Variants in POLG observed in about 807,000 individuals in gnomAD.
POLG encodes the protein DNA polymerase gamma, catalytic subunit, also known as DNA polymerase subunit gamma-1.
A neutral mutation model predicts 155.4 loss-of-function variants in POLG; 110 were observed. The ratio of observed to expected loss-of-function variants is 0.71; its 90% CI spans 0.61 to 0.83. The LOEUF (loss-of-function observed/expected upper bound fraction) is 0.83, where lower values mean the gene tolerates loss of function less well. POLG is among the 40% of genes least tolerant of loss of function. The probability of loss-of-function intolerance (pLI) is 0.00; values close to 1 mark genes in which losing one functional copy is unlikely to be tolerated. For missense variants in POLG, 1,685 were observed against 1,627.5 expected, an observed-to-expected ratio of 1.04 and a Z score of -0.61; for synonymous variants, 701 against 631.5, an observed-to-expected ratio of 1.11 and a Z score of -1.65.
rs1329611992 is a variant in POLG, at chr15:89,321,251, C to G, written c.2608G>C (p.Val870Leu). The G allele has an allele frequency of 1.9e-6, 3 of 1,614,122 alleles. No individual in the cohort carries two copies. In the Admixed American group the frequency reaches 5.0e-5, roughly 27 times the overall value. ...ACCATGGCTTTCAACTCACTGCCTA[C>G]TCGGTCAGGCTGTGGGAAGAGTGAG... ...LTASNARPDR[V>L]GSELKAMVQA... Residue 870 changes from valine (V) to leucine (L), a missense_variant, in exon 17 of 23, where the codon GTA (valine) becomes CTA (leucine). Physicochemically the swap from Val to Leu is conservative, Grantham distance 32. Coordinates refer to ENST00000268124, the MANE Select transcript of POLG (RefSeq NM_002693.3).
rs2055626493 is a variant in POLG, at chr15:89,333,596, T to TGC, written c.158_159insGC (p.Gln54HisfsTer213). On this transcript the variant is annotated frameshift_variant, in exon 2 of 23. Coordinates refer to ENST00000268124, the MANE Select transcript of POLG (RefSeq NM_002693.3). LOFTEE classifies it high-confidence loss of function. ...GCACTTGCGGCTGCTGAGGCTGCTG[T>TGC]TGCTGCTGCTGCTGCTGCTGCTGCT... is the stretch of plus-strand genomic sequence containing the variant. 3.8e-6 allele frequency: 6 copies of TGC among 1,598,000 alleles called. No individual in the cohort carries two copies. Among genetic ancestry groups the TGC allele is most frequent in the South Asian group, 1.1e-5 (1 of 90,096 alleles).
intron 10 of POLG, 104 bp from the exon 11 acceptor site, chr15:89,324,331 G>GA: frequency 1.5e-6 from 2 of 1,339,086 alleles, no homozygotes; most frequent in African/African-American, 1.4e-5. Flanking sequence ...TTAGTCCTCA[G>GA]AATCAGCTCT....
chr15:89,333,551 C>G lies in POLG; in HGVS notation c.204G>C (p.Gln68His). The G allele has an allele frequency of 6.2e-7, 1 of 1,612,114 alleles. No individual in the cohort carries two copies. The highest frequency in any genetic ancestry group is 8.5e-7 in the Non-Finnish European group (1 of 1,179,404). ...GGATGTCCAATGGGTTGTGCCGCAG[C>G]TGCCCGCCCTCCGAGGATAGCACTT... Reference protein sequence around the residue: ...QPQVLSSEGGQLRHNPLDIQM... With the variant: ...QPQVLSSEGGHLRHNPLDIQM... The change falls in exon 2 of 23, where the codon CAG becomes CAC. Residue 68 changes from glutamine to histidine, a missense_variant. Gln to His is a conservative substitution (Grantham distance 24, BLOSUM62 0). Coordinates refer to ENST00000268124, the MANE Select transcript of POLG (RefSeq NM_002693.3).
intron 2 of POLG, among the ~76,000 whole-genome samples, chr15:89,330,904 T>C (rs2055585742): frequency 6.6e-6 from 1 of 151,364 alleles, no homozygotes; most frequent in African/African-American, 2.4e-5. Flanking sequence ...TGTGACAGGG[T>C]TGGGGTGGGA....
Position 89,318,590 on chromosome 15 carries a change from C to G in POLG, c.3433G>C (p.Asp1145His). Residue 1145 changes from aspartate to histidine, a missense_variant, in exon 21 of 23, where the codon GAC (aspartate) becomes CAC (histidine). Physicochemically the swap from Asp to His is moderately conservative, Grantham distance 81. Around this residue, in one of 3 missense-constraint regions of POLG, gnomAD observed 470 missense variants for 439.9 expected, o/e 1.07. Coordinates refer to ENST00000268124, the MANE Select transcript of POLG (RefSeq NM_002693.3). Reference sequence around the variant, plus strand: ...AAGGCCAGGGCAGCGCGGTAGCGGTCCTCCTCCCGCACCAGGTAGCGAACC... The same window carrying G: ...AAGGCCAGGGCAGCGCGGTAGCGGTGCTCCTCCCGCACCAGGTAGCGAACC... The part of the protein sequence containing the change: ...DEVRYLVREE[D>H]RYRAALALQI... 3 of 1,614,108 alleles carry G rather than the reference C, an allele frequency of 1.9e-6. No individual in the cohort carries two copies. Among genetic ancestry groups the G allele is most frequent in the South Asian group, 1.1e-5 (1 of 91,072 alleles).
rs2055301517 is a variant in POLG, at chr15:89,317,228, A to C, written c.3643+148T>G. On this transcript the variant is annotated intron_variant, in intron 22 of 22. Coordinates refer to ENST00000268124, the MANE Select transcript of POLG (RefSeq NM_002693.3). Reference sequence around the variant, plus strand: ...ATCATATCACATTCACTCTGGACACAGGGCACCTTATAAACTGAAATTAGC... The same window carrying C: ...ATCATATCACATTCACTCTGGACACCGGGCACCTTATAAACTGAAATTAGC... 7.0e-6 allele frequency: 5 copies of C among 713,692 alleles called. No homozygotes were observed. In the Admixed American group the frequency reaches 1.0e-4, roughly 15 times the overall value. The allele number at this position is 713,692 out of a possible 1,614,324, so 44.2% of individuals were successfully genotyped here.
At position 89,324,209 on chromosome 15, in the gene POLG, G is replaced by A. The variant is rs765009891; in HGVS notation, c.1968C>T (p.Tyr656=). The change falls in exon 11 of 23, where the codon TAC becomes TAT. Residue 656 remains tyrosine, a synonymous_variant. Transcript: ENST00000268124. Reference sequence around the variant, plus strand: ...TCCCCTGTTCGAGACAGTGCTTCCTGTACAGGGACTCGATGGCTCTGGGCA... The same window carrying A: ...TCCCCTGTTCGAGACAGTGCTTCCTATACAGGGACTCGATGGCTCTGGGCA... ...VCPYRAIESL[Y]RKHCLEQGKQ... 1 of 1,613,250 alleles carries A rather than the reference G, an allele frequency of 6.2e-7. No individual in the cohort carries two copies. Among genetic ancestry groups the A allele is most frequent in the African/African-American group, 1.3e-5 (1 of 75,074 alleles).
intron 1 of POLG, 196 bp from the exon 2 acceptor site, chr15:89,334,109 T>C (rs986039596): frequency 8.1e-6 from 3 of 371,398 alleles, no homozygotes; most frequent in Admixed American, 9.0e-5. Context: ...ACTTCGTCAG[T>C]GAACCCACGT....
At chr15:89,318,786 T>C (rs2055347360) in intron 20 of POLG, 37 bp from the exon 21 acceptor site, 6 of 1,583,408 alleles carry the variant, frequency 3.8e-6, no homozygotes, top group Middle Eastern at 1.7e-4. Context: ...AAAGGGGCTA[T>C]GCTACATACC....
At chr15:89,323,352 C>T (rs41550016) in intron 13 of POLG, 52 bp downstream of exon 13, 1,110 of 1,165,380 alleles carry the variant, frequency 9.5e-4, no homozygotes, top group Non-Finnish European at 1.2e-3. Context: ...CTGCTGTGGG[C>T]CTTGAGCAGA....
In POLG at chr15:89,324,223, T is replaced by C. The variant is rs767751301; in HGVS notation, c.1954A>G (p.Ile652Val). The change falls in exon 11 of 23, where the codon ATC becomes GTC. Residue 652 changes from isoleucine to valine, a missense_variant. Coordinates refer to ENST00000268124, the MANE Select transcript of POLG (RefSeq NM_002693.3). ...CAGTGCTTCCTGTACAGGGACTCGA[T>C]GGCTCTGGGCAGAGAACAGTAGCAG... ...SAGVVCPYRAIESLYRKHCLE... is the reference protein window; with the variant it reads ...SAGVVCPYRAVESLYRKHCLE... 5 of 1,612,652 alleles carry C rather than the reference T, an allele frequency of 3.1e-6. No individual in the cohort carries two copies. Among genetic ancestry groups the C allele is most frequent in the Non-Finnish European group, 3.4e-6 (4 of 1,180,020 alleles).
At chr15:89,331,693 G>T (rs1019321005) in intron 2 of POLG, among the ~76,000 whole-genome samples, 7 of 152,188 alleles carry the variant, frequency 4.6e-5, no homozygotes, top group African/African-American at 1.7e-4. Context: ...GGGCTGGTCA[G>T]GTACCTAATG....
intron 6 of POLG, 67 bp downstream of exon 6, chr15:89,328,389 A>G: frequency 7.9e-7 from 1 of 1,268,076 alleles, no homozygotes; most frequent in South Asian, 1.2e-5. Context: ...GCGCCACCTG[A>G]TTACAGTGGG....
At chr15:89,334,039 G>C in intron 1 of POLG, 126 bp from the exon 2 acceptor site, 1 of 507,688 alleles carries the variant, frequency 2.0e-6, no homozygotes, top group Middle Eastern at 5.4e-4. Context: ...TGCATTTTCC[G>C]TTAAGCCTCA....
chr15:89,332,609 G>A (rs1387302943), intron 2 of POLG, among the ~76,000 whole-genome samples: 42 of 150,156 alleles, frequency 2.8e-4, no homozygotes, highest in Non-Finnish European at 4.9e-4. Context: ...CGGGGGCAGG[G>A]GGGCGGGGGG....
rs796052886 is a variant in POLG, at chr15:89,323,417, T to C, written c.2252A>G (p.Lys751Arg). The C allele has an allele frequency of 1.1e-5, 17 of 1,611,644 alleles. No homozygotes were observed. Among genetic ancestry groups the C allele is most frequent in the African/African-American group, 1.3e-5 (1 of 74,998 alleles). ...DVDIPGCWFFKLPHKDGNSCN... is the reference protein window; with the variant it reads ...DVDIPGCWFFRLPHKDGNSCN... Reference sequence around the variant, plus strand: ...CCCAGGACACACCTTGTGAGGCAGCTTGAAAAACCAGCAGCCAGGGATGTC... The same window carrying C: ...CCCAGGACACACCTTGTGAGGCAGCCTGAAAAACCAGCAGCCAGGGATGTC... Residue 751 changes from lysine to arginine, a missense_variant, in exon 13 of 23, where the codon AAG (lysine) becomes AGG (arginine). Around this residue, in one of 3 missense-constraint regions of POLG, gnomAD observed 1,210 missense variants for 1,167.1 expected, o/e 1.04. Coordinates refer to ENST00000268124, the MANE Select transcript of POLG (RefSeq NM_002693.3).
In POLG at chr15:89,325,055, AGAGAGT is replaced by A. The variant is rs2055457221; in HGVS notation, c.1949+389_1949+394del. Among the ~76,000 whole-genome samples, 11 of 114,406 alleles carry A rather than the reference AGAGAGT, an allele frequency of 9.6e-5. 3 individuals are homozygous for A. Among genetic ancestry groups the A allele is most frequent in the African/African-American group, 2.2e-4 (5 of 22,472 alleles). The allele number at this position is 114,406 out of a possible 152,430, so 75.1% of individuals were successfully genotyped here. A position where few individuals can be genotyped will look rare whatever the true frequency, so the allele number is the denominator to read the frequency against. The stretch of plus-strand genomic sequence containing the variant: ...AACCCAGAGAGTGAGTGAGTGAGTG[AGAGAGT>A]GAGTGAGTGAGTGAGTGAGTGAGAG... On this transcript the variant is annotated intron_variant, in intron 10 of 22. Coordinates refer to ENST00000268124, the MANE Select transcript of POLG (RefSeq NM_002693.3).
chr15:89,324,270 T>C lies in POLG; in HGVS notation c.1950-43A>G, dbSNP rs74596434. On this transcript the variant is annotated intron_variant, in intron 10 of 22. Transcript: ENST00000268124. Reference sequence around the variant, plus strand: ...GCAGCAGCAGCCGCTGATTACCAGATGCCCACTCTGGGCCAGGCAGCTTGC... The same window carrying C: ...GCAGCAGCAGCCGCTGATTACCAGACGCCCACTCTGGGCCAGGCAGCTTGC... 1.9e-3 allele frequency: 2,983 copies of C among 1,605,582 alleles called. 4 individuals carry two copies. The highest frequency in any genetic ancestry group is 2.1e-3 in the Non-Finnish European group (2,521 of 1,178,702).
intron 22 of POLG, 145 bp downstream of exon 22, chr15:89,317,231 G>A: frequency 1.4e-6 from 1 of 720,206 alleles, no homozygotes; most frequent in South Asian, 1.6e-5. Flanking sequence ...TGGACACAGG[G>A]CACCTTATAA....
Sources: gnomAD v4.1 joint callset for allele counts (sites outside exome capture counted in the v4.1 genomes callset) on GRCh38, gnomAD v4.1.1 for gene constraint, gnomAD v4.1.1 regional missense constraint, MANE v1.5 for transcripts, NCBI Gene and HGNC (gene_info 2026-07-23, HGNC 2026-07-21) for gene names.